COL19A1: variants seen among roughly 807,000 people sequenced by gnomAD.
COL19A1 encodes collagen type XIX alpha 1 chain.
Under a neutral mutation model 190.2 loss-of-function variants are expected in COL19A1, and 159 were observed. The observed-to-expected ratio is 0.84, with a 90% CI of 0.73 to 0.95. COL19A1 has a LOEUF of 0.95. COL19A1 is among the 40% of genes least tolerant of loss of function. The pLI is 0.00. For missense variants in COL19A1, 1,418 were observed against 1,431.9 expected (o/e 0.99, Z 0.16); for synonymous variants, 509 against 458.9 (o/e 1.11, Z -1.39).
At chr6:70,006,404 C>A (rs926229243) in intron 11 of COL19A1, among the ~76,000 whole-genome samples, 1 of 152,194 alleles carries the variant, frequency 6.6e-6, no homozygotes, top group African/African-American at 2.4e-5. Context: ...GGTGAGGGCT[C>A]CCCTGGCTCT....
At chr6:69,931,249 T>TA in intron 6 of COL19A1, among the ~76,000 whole-genome samples, 1 of 152,290 alleles carries the variant, frequency 6.6e-6, no homozygotes, top group African/African-American at 2.4e-5. Flanking sequence ...GATTTTTTTT[T>TA]AAATCAACTC....
intron 4 of COL19A1, among the ~76,000 whole-genome samples, chr6:69,920,305 G>A (rs981978388): frequency 1.3e-5 from 2 of 152,064 alleles, no homozygotes; most frequent in African/African-American, 4.8e-5. Context: ...CTGATCCCCT[G>A]GTCACTTCCC....
rs142725105 is a variant in COL19A1, at chr6:70,070,018, G to A, written c.1224+1542G>A. Among the ~76,000 whole-genome samples, 733 of 152,154 alleles carry A rather than the reference G, an allele frequency of 4.8e-3. 9 individuals carry two copies. The highest frequency in any genetic ancestry group is 0.017 in the African/African-American group (687 of 41,516). ...GACAACCCTGTGTAACACCAGCCTAGGCTACCATCTTTTCCACCATTGATG... is the reference window on the plus strand; with the variant it reads ...GACAACCCTGTGTAACACCAGCCTAAGCTACCATCTTTTCCACCATTGATG... On this transcript the variant is annotated intron_variant, in intron 15 of 50. Transcript: ENST00000620364.
Position 70,137,720 on chromosome 6 carries a change from T to G in COL19A1, c.1419T>G (p.Val473=). The G allele has an allele frequency of 6.2e-7, 1 of 1,613,406 alleles. No individual in the cohort carries two copies. ...ETGLPGFPGS[V]GPKGQKGEPG... Reference sequence around the variant, plus strand: ...GACTACCAGGATTTCCAGGGTCTGTTGGCCCTAAAGGACAAAAAGGAGAAC... The same window carrying G: ...GACTACCAGGATTTCCAGGGTCTGTGGGCCCTAAAGGACAAAAAGGAGAAC... The change falls in exon 19 of 51, where the codon GTT becomes GTG. Residue 473 remains valine (V), a synonymous_variant. Transcript: ENST00000620364.
At chr6:70,067,258 A>G (rs546686783) in intron 14 of COL19A1, among the ~76,000 whole-genome samples, 1 of 152,148 alleles carries the variant, frequency 6.6e-6, no homozygotes, top group Non-Finnish European at 1.5e-5. Context: ...GCTCTTACAG[A>G]TGAGCAAGAA....
chr6:70,174,147 G>A (rs939620138), intron 41 of COL19A1, among the ~76,000 whole-genome samples: 4 of 152,232 alleles, frequency 2.6e-5, no homozygotes, highest in African/African-American at 7.2e-5. Flanking sequence ...TAATCTGAGA[G>A]CAAGGTAGGG....
rs183499400 is a variant in COL19A1, at chr6:69,965,922, C to T, written c.1026+3052C>T. Among the ~76,000 whole-genome samples, 212 of 152,234 alleles carry T rather than the reference C, an allele frequency of 1.4e-3. 2 individuals are homozygous for T. The highest frequency in any genetic ancestry group is 0.014 in the South Asian group (67 of 4,822). ...CTGAGAGTTGTATTTTGGCTTCTCTCTCTATATAGGAGTAGTCTTCTGGGG... is the reference window on the plus strand; with the variant it reads ...CTGAGAGTTGTATTTTGGCTTCTCTTTCTATATAGGAGTAGTCTTCTGGGG... On this transcript the variant is annotated intron_variant, in intron 11 of 50. Transcript: ENST00000620364.
chr6:69,927,133 G>A (rs1395369928), intron 4 of COL19A1, among the ~76,000 whole-genome samples: 1 of 152,016 alleles, frequency 6.6e-6, no homozygotes, highest in Non-Finnish European at 1.5e-5. Context: ...CTGAATGAAA[G>A]GAAACTAGAC....
chr6:70,194,867 C>A (rs1019293795), intron 48 of COL19A1, among the ~76,000 whole-genome samples: 8 of 151,944 alleles, frequency 5.3e-5, no homozygotes, highest in Non-Finnish European at 1.2e-4. Flanking sequence ...AAGATTTGGG[C>A]TAAGTATTCC....
intron 16 of COL19A1, among the ~76,000 whole-genome samples, chr6:70,112,554 T>A (rs777736529): frequency 1.3e-5 from 2 of 152,090 alleles, no homozygotes; most frequent in Non-Finnish European, 2.9e-5. Flanking sequence ...ACTCTATCAA[T>A]AAGGCAGTGG....
At chr6:69,922,074 T>C (rs1207954474) in intron 4 of COL19A1, among the ~76,000 whole-genome samples, 1 of 152,104 alleles carries the variant, frequency 6.6e-6, no homozygotes. Context: ...GAAACTATTC[T>C]GTGTCACGTT....
chr6:70,100,430 T>C (rs1033905889), intron 15 of COL19A1, among the ~76,000 whole-genome samples: 2 of 152,198 alleles, frequency 1.3e-5, no homozygotes, highest in Non-Finnish European at 2.9e-5. Flanking sequence ...AATTATATGT[T>C]CATTTCAATC....
Position 70,156,673 on chromosome 6 carries a change from A to G in COL19A1, c.2242A>G (p.Ser748Gly). The G allele has an allele frequency of 6.2e-7, 1 of 1,611,842 alleles. No homozygotes were observed. The highest frequency in any genetic ancestry group is 8.5e-7 in the Non-Finnish European group (1 of 1,178,640). The change falls in exon 34 of 51, where the codon AGC (serine) becomes GGC (glycine). Residue 748 changes from serine (S) to glycine (G), a missense_variant. Coordinates refer to ENST00000620364, the MANE Select transcript of COL19A1 (RefSeq NM_001858.6). ...GIPGREGPKG[S>G]KGERGYPGIP... ...GCTGAATGTATTGTCTTTTTAGGGA[A>G]GCAAAGGAGAGCGGGGCTACCCTGG...
chr6:70,098,639 G>A (rs922225854), intron 15 of COL19A1: 9 of 347,328 alleles, frequency 2.6e-5, no homozygotes, highest in Non-Finnish European at 3.9e-5. Flanking sequence ...CAATGTGTGC[G>A]TCTTACTGCA....
At position 70,211,564 on chromosome 6, in the gene COL19A1, A is replaced by T. The variant is rs926390352; in HGVS notation, c.*4290A>T. 4.7e-5 allele frequency among the ~76,000 whole-genome samples: 7 copies of T among 149,470 alleles called. No individual in the cohort carries two copies. The highest frequency in any genetic ancestry group is 1.7e-4 in the African/African-American group (7 of 40,450). The stretch of plus-strand genomic sequence containing the variant: ...GAAGATAATTGAATTTGTATCTTGT[A>T]TGCCTATGTAATTCAAAGTGACTTA... On this transcript the variant is annotated 3_prime_UTR_variant, in exon 51 of 51. Coordinates refer to ENST00000620364, the MANE Select transcript of COL19A1 (RefSeq NM_001858.6).
At chr6:70,031,671 T>C (rs957510764) in intron 12 of COL19A1, among the ~76,000 whole-genome samples, 1 of 152,194 alleles carries the variant, frequency 6.6e-6, no homozygotes, top group Non-Finnish European at 1.5e-5. Context: ...AGTACTCCGT[T>C]GTGTATATAT....
intron 31 of COL19A1, among the ~76,000 whole-genome samples, chr6:70,154,831 A>G (rs866973418): frequency 1.2e-4 from 19 of 152,312 alleles, no homozygotes; most frequent in Middle Eastern, 3.4e-3. Context: ...GGAAGCATCC[A>G]GCACAGGAGA....
At chr6:69,934,118 A>T (rs1772955675) in intron 7 of COL19A1, among the ~76,000 whole-genome samples, 1 of 152,160 alleles carries the variant, frequency 6.6e-6, no homozygotes, top group African/African-American at 2.4e-5. Context: ...AGCTTAAAGC[A>T]TAGCTTTAGT....
chr6:70,027,021 A>T (rs1778764161), intron 12 of COL19A1, among the ~76,000 whole-genome samples: 1 of 152,130 alleles, frequency 6.6e-6, no homozygotes. Flanking sequence ...AAGCCCAGGT[A>T]TACATTCTTA....
Sources: allele counts gnomAD v4.1 joint callset (sites outside exome capture counted in the v4.1 genomes callset), GRCh38; gene constraint gnomAD v4.1.1; transcripts MANE v1.5; gene names NCBI Gene and HGNC (gene_info 2026-07-23, HGNC 2026-07-21).